SGCZ: variants seen among roughly 807,000 people sequenced by gnomAD.
SGCZ encodes sarcoglycan zeta, also known as zeta-sarcoglycan.
In SGCZ, 40 loss-of-function variants were observed where a neutral mutation model predicts 41.3. The observed-to-expected ratio is 0.97, with a 90% confidence interval of 0.75 to 1.26. The LOEUF is 1.26. Ranked by LOEUF, SGCZ falls within the 50% of genes most tolerant of loss-of-function variation. The pLI is 0.00. For synonymous variants in SGCZ, 206 were observed against 137.5 expected, an observed-to-expected ratio of 1.50 and a Z score of -3.49; for missense variants, 552 against 369.8, an observed-to-expected ratio of 1.49 and a Z score of -4.04.
chr8:14,188,824 G>GTTTTTTTT (rs145555540), intron 4 of SGCZ, among the ~76,000 whole-genome samples: 108 of 62,284 alleles, frequency 1.7e-3, no homozygotes, highest in Non-Finnish European at 2.2e-3. Context: ...TTGTTTCTTT[G>GTTTTTTTT]TTTTTTTTTG....
chr8:15,196,481 T>A (rs971011548), intron 1 of SGCZ, among the ~76,000 whole-genome samples: 2 of 152,114 alleles, frequency 1.3e-5, no homozygotes, highest in Non-Finnish European at 2.9e-5. Context: ...AAGAATATGA[T>A]AACATAGCAT....
chr8:14,492,052 G>C (rs1369177656), intron 2 of SGCZ, among the ~76,000 whole-genome samples: 5 of 152,012 alleles, frequency 3.3e-5, no homozygotes, highest in Non-Finnish European at 7.4e-5. Flanking sequence ...TTATGATTGA[G>C]AATAAAAAAC....
chr8:14,653,948 T>C (rs1479948032), intron 1 of SGCZ, among the ~76,000 whole-genome samples: 1 of 152,156 alleles, frequency 6.6e-6, no homozygotes. Context: ...ACAGATTTGT[T>C]TTTGTCCAAA....
intron 5 of SGCZ, among the ~76,000 whole-genome samples, chr8:14,109,225 T>C (rs1209211514): frequency 3.3e-5 from 5 of 152,198 alleles, no homozygotes; most frequent in Non-Finnish European, 1.5e-5. Flanking sequence ...TCATATACTC[T>C]AACACTTTTC....
At chr8:15,223,835 G>A (rs1486396844) in intron 1 of SGCZ, among the ~76,000 whole-genome samples, 2 of 149,428 alleles carry the variant, frequency 1.3e-5, no homozygotes, top group African/African-American at 5.1e-5. Context: ...GCAGTTGCCA[G>A]CGAAAAGCTC....
rs774758713 is a variant in SGCZ at position 14,309,849 on chromosome 8, AT to A, written c.336+14253del. On this transcript the variant is annotated intron_variant, in intron 3 of 7. Transcript: ENST00000382080. ...GCCTTTGTCTTGTACTTCTGTGTTC[AT>A]TTTTTTTTTCTTTTTTTGGCTAGAG... Among the ~76,000 whole-genome samples the A allele has an allele frequency of 3.0e-3, 452 of 149,450 alleles. 2 individuals are homozygous for A. Among genetic ancestry groups the A allele is most frequent in the African/African-American group, 0.01 (413 of 40,728 alleles).
chr8:14,224,895 A>T (rs2054423), intron 4 of SGCZ, among the ~76,000 whole-genome samples: 90,584 of 152,110 alleles, frequency 0.6, 27,314 homozygotes, highest in East Asian at 0.75. Flanking sequence ...TCAAGCCACT[A>T]AATATTCTCT....
intron 1 of SGCZ, among the ~76,000 whole-genome samples, chr8:15,128,663 C>T (rs960008085): frequency 6.6e-6 from 1 of 152,176 alleles, no homozygotes; most frequent in Non-Finnish European, 1.5e-5. Flanking sequence ...AGTTTGTGTT[C>T]TGTGAAATGG....
chr8:14,203,213 T>C (rs1327834001), intron 4 of SGCZ, among the ~76,000 whole-genome samples: 2 of 152,206 alleles, frequency 1.3e-5, no homozygotes, highest in East Asian at 3.9e-4. Context: ...CAGATATATT[T>C]AGGTGTGTTT....
chr8:14,709,057 AATT>A (rs1809430163), intron 1 of SGCZ, among the ~76,000 whole-genome samples: 1 of 152,160 alleles, frequency 6.6e-6, no homozygotes, highest in African/African-American at 2.4e-5. Context: ...ATTTCAACGA[AATT>A]ATGGTTAACA....
chr8:15,182,940 CT>C (rs1200186906), intron 1 of SGCZ, among the ~76,000 whole-genome samples: 2 of 151,804 alleles, frequency 1.3e-5, no homozygotes, highest in African/African-American at 4.8e-5. Flanking sequence ...TTAATTTTAC[CT>C]TTTTAAACTT....
At chr8:14,821,308 G>C (rs1217400297) in intron 1 of SGCZ, among the ~76,000 whole-genome samples, 1 of 151,686 alleles carries the variant, frequency 6.6e-6, no homozygotes, top group Non-Finnish European at 1.5e-5. Flanking sequence ...AATGAGAGAG[G>C]TAATTGAGTC....
At chr8:15,172,537 T>C (rs268391) in intron 1 of SGCZ, among the ~76,000 whole-genome samples, 132,175 of 152,084 alleles carry the variant, frequency 0.87, 57,461 homozygotes, top group East Asian at 0.88. Flanking sequence ...CATTTAACCA[T>C]TCTAAGTCTC....
intron 2 of SGCZ, among the ~76,000 whole-genome samples, chr8:14,487,521 A>C (rs1442257989): frequency 6.6e-6 from 1 of 152,180 alleles, no homozygotes; most frequent in Non-Finnish European, 1.5e-5. Context: ...TAAGAGTTTG[A>C]GTCTTGAAAT....
intron 1 of SGCZ, among the ~76,000 whole-genome samples, chr8:14,842,310 G>C (rs1802949080): frequency 6.6e-6 from 1 of 151,458 alleles, no homozygotes; most frequent in Admixed American, 6.6e-5. Flanking sequence ...GATTCAAAGG[G>C]CAAAACAAGC....
At chr8:14,639,096 G>C (rs1043367795) in intron 1 of SGCZ, among the ~76,000 whole-genome samples, 2 of 146,984 alleles carry the variant, frequency 1.4e-5, no homozygotes, top group African/African-American at 2.5e-5. Flanking sequence ...ACCCAGGCTG[G>C]AGTGCAGTGG....
intron 3 of SGCZ, among the ~76,000 whole-genome samples, chr8:14,317,377 C>A (rs143145587): frequency 6.6e-6 from 1 of 151,826 alleles, no homozygotes; most frequent in African/African-American, 2.4e-5. Context: ...AGATTTGAAA[C>A]CAGTTATTGG....
chr8:14,847,715 G>T (rs1330707134), intron 1 of SGCZ, among the ~76,000 whole-genome samples: 29 of 114,458 alleles, frequency 2.5e-4, no homozygotes, highest in African/African-American at 7.8e-4. Context: ...GGGAGGGGAG[G>T]AGGAAAGGGA....
intron 2 of SGCZ, among the ~76,000 whole-genome samples, chr8:14,427,084 A>G (rs12386925): frequency 4.2e-5 from 5 of 120,266 alleles, no homozygotes; most frequent in African/African-American, 1.2e-4. Flanking sequence ...GAACGAATGA[A>G]TGAGTGAATG....
Sources: gnomAD v4.1 joint callset for allele counts (sites outside exome capture counted in the v4.1 genomes callset) on GRCh38, gnomAD v4.1.1 for gene constraint, MANE v1.5 for transcripts, NCBI Gene and HGNC (gene_info 2026-07-23, HGNC 2026-07-21) for gene names.